DLG2: variants seen among roughly 807,000 people sequenced by gnomAD.
DLG2 encodes discs large MAGUK scaffold protein 2.
DLG2 carries 45 observed loss-of-function variants against 132.5 expected under a neutral mutation model. The ratio of observed to expected loss-of-function variants is 0.34; its 90% CI spans 0.27 to 0.44. DLG2 has a LOEUF of 0.44. Ranked by LOEUF, DLG2 falls within the 20% of genes least tolerant of loss-of-function variation. The probability of loss-of-function intolerance (pLI) is 1.00; values close to 1 mark genes in which losing one functional copy is unlikely to be tolerated. For synonymous variants in DLG2, 424 were observed against 419.6 expected (o/e 1.01, Z -0.13); for missense variants, 1,045 against 1,196.9 (o/e 0.87, Z 1.87).
At chr11:85,177,541 A>G (rs2079381890) in intron 4 of DLG2, among the ~76,000 whole-genome samples, 1 of 151,966 alleles carries the variant, frequency 6.6e-6, no homozygotes, top group East Asian at 1.9e-4. Context: ...AGTGAGGGAG[A>G]GCATCAGGAA....
chr11:85,081,852 C>T (rs188094143), intron 6 of DLG2, among the ~76,000 whole-genome samples: 2 of 152,208 alleles, frequency 1.3e-5, no homozygotes, highest in Admixed American at 1.3e-4. Flanking sequence ...ATAAAGAAAT[C>T]ATCTGACCTT....
chr11:84,669,822 C>T (rs1180851003), intron 6 of DLG2, among the ~76,000 whole-genome samples: 2 of 152,138 alleles, frequency 1.3e-5, no homozygotes, highest in African/African-American at 4.8e-5. Flanking sequence ...TCCTCCATGA[C>T]CTCTCCTTTC....
intron 7 of DLG2, among the ~76,000 whole-genome samples, chr11:84,506,198 C>T (rs1406153519): frequency 6.6e-6 from 1 of 150,742 alleles, no homozygotes; most frequent in African/African-American, 2.5e-5. Flanking sequence ...GCCTCAGCCT[C>T]CCAAGTAGCT....
intron 19 of DLG2, among the ~76,000 whole-genome samples, chr11:83,546,735 G>A (rs1592908059): frequency 1.3e-5 from 2 of 152,214 alleles, no homozygotes; most frequent in South Asian, 2.1e-4. Context: ...GTTGTACTTA[G>A]ATCTTATACC....
chr11:83,808,171 T>A (rs924720122), intron 17 of DLG2, among the ~76,000 whole-genome samples: 1 of 152,140 alleles, frequency 6.6e-6, no homozygotes, highest in East Asian at 1.9e-4. Context: ...ACAGGCTGTT[T>A]CCCTGTTTCT....
Position 84,043,911 on chromosome 11 carries a change from T to A in DLG2, c.919+15404A>T, listed in dbSNP as rs2096171167. Among the ~76,000 whole-genome samples the A allele has an allele frequency of 2.0e-5, 3 of 151,790 alleles. No individual in the cohort carries two copies. The South Asian group carries it at 6.2e-4, about 31-fold the overall frequency. On this transcript the variant is annotated intron_variant, in intron 11 of 27. Coordinates refer to ENST00000376104, the MANE Select transcript of DLG2 (RefSeq NM_001142699.3). ...TTTTTTGTATTTCAGCACTTTTTAA[T>A]TGAATTTATTTTAAGTTTTCCTACA...
intron 7 of DLG2, among the ~76,000 whole-genome samples, chr11:84,358,146 T>C (rs1426613): frequency 6.6e-6 from 1 of 152,054 alleles, no homozygotes; most frequent in South Asian, 2.1e-4. Context: ...AACACATACA[T>C]GTGTGCAGGC....
At chr11:84,761,785 G>A (rs2067662549) in intron 6 of DLG2, among the ~76,000 whole-genome samples, 1 of 152,094 alleles carries the variant, frequency 6.6e-6, no homozygotes, top group South Asian at 2.1e-4. Context: ...TGGCTCCTCA[G>A]CTTGCAGAGG....
At chr11:83,661,952 A>G (rs943438601) in intron 18 of DLG2, among the ~76,000 whole-genome samples, 9 of 152,226 alleles carry the variant, frequency 5.9e-5, no homozygotes, top group African/African-American at 2.2e-4. Flanking sequence ...CCTACTGTGA[A>G]GAGGCAATGT....
intron 6 of DLG2, among the ~76,000 whole-genome samples, chr11:84,865,960 G>A (rs755545375): frequency 1.3e-5 from 2 of 152,208 alleles, no homozygotes; most frequent in Non-Finnish European, 2.9e-5. Context: ...ATCTGCTACA[G>A]GCTGCAGCAG....
At chr11:84,644,440 C>T (rs2099671994) in intron 6 of DLG2, among the ~76,000 whole-genome samples, 1 of 152,144 alleles carries the variant, frequency 6.6e-6, no homozygotes, top group African/African-American at 2.4e-5. Flanking sequence ...GGCGCGGTGG[C>T]TCACACCTGT....
chr11:84,226,535 A>G (rs186429231), intron 8 of DLG2, among the ~76,000 whole-genome samples: 164 of 152,324 alleles, frequency 1.1e-3, no homozygotes, highest in African/African-American at 3.8e-3. Flanking sequence ...TCAGTGGAGG[A>G]TCAAATAAAA....
chr11:84,590,566 T>C (rs191948977), intron 6 of DLG2, among the ~76,000 whole-genome samples: 6 of 152,256 alleles, frequency 3.9e-5, no homozygotes, highest in Admixed American at 2.6e-4. Flanking sequence ...TTCTATCTTC[T>C]AGGGGTGAGA....
At chr11:84,529,501 A>G (rs1424009947) in intron 7 of DLG2, among the ~76,000 whole-genome samples, 1 of 152,150 alleles carries the variant, frequency 6.6e-6, no homozygotes, top group African/African-American at 2.4e-5. Flanking sequence ...TACCAACAAC[A>G]TCCAAGCTGA....
At chr11:84,968,545 A>T (rs1323709354) in intron 6 of DLG2, among the ~76,000 whole-genome samples, 1 of 152,164 alleles carries the variant, frequency 6.6e-6, no homozygotes, top group Admixed American at 6.6e-5. Context: ...TATTATAAAA[A>T]TTTTTATTTT....
chr11:84,132,450 C>T (rs1011210304), intron 9 of DLG2, among the ~76,000 whole-genome samples: 2 of 152,024 alleles, frequency 1.3e-5, no homozygotes, highest in East Asian at 1.9e-4. Context: ...TCTCAGTTGG[C>T]AATGATTCCT....
intron 3 of DLG2, among the ~76,000 whole-genome samples, chr11:85,440,503 CT>C (rs1235077389): frequency 6.6e-6 from 1 of 152,162 alleles, no homozygotes; most frequent in African/African-American, 2.4e-5. Flanking sequence ...CTTTGTACAG[CT>C]GCTTAACTTG....
intron 18 of DLG2, among the ~76,000 whole-genome samples, chr11:83,655,464 A>T (rs1271332673): frequency 6.6e-6 from 1 of 152,172 alleles, no homozygotes; most frequent in Non-Finnish European, 1.5e-5. Context: ...CACTTGTCAG[A>T]GTGCTTATAT....
chr11:84,773,571 A>G (rs2069811668), intron 6 of DLG2, among the ~76,000 whole-genome samples: 1 of 152,142 alleles, frequency 6.6e-6, no homozygotes, highest in Non-Finnish European at 1.5e-5. Flanking sequence ...AAGCTAAACC[A>G]CCACGATCAA....
Sources: gnomAD v4.1 joint callset for allele counts (sites outside exome capture counted in the v4.1 genomes callset) on GRCh38, gnomAD v4.1.1 for gene constraint, MANE v1.5 for transcripts, NCBI Gene and HGNC (gene_info 2026-07-23, HGNC 2026-07-21) for gene names.